The following INO80 variants were observed in gnomAD, a reference collection of about 807,000 sequenced individuals.
INO80 encodes chromatin-remodeling ATPase INO80.
A neutral mutation model predicts 203.4 loss-of-function variants in INO80; 20 were observed. The ratio of observed to expected loss-of-function variants is 0.10; its 90% CI spans 0.07 to 0.14. The LOEUF (loss-of-function observed/expected upper bound fraction) is 0.14. Ranked by LOEUF, INO80 falls within the 10% of genes least tolerant of loss-of-function variation. The pLI is 1.00. For missense variants in INO80, 1,419 were observed against 1,914.4 expected, an observed-to-expected ratio of 0.74 and a Z score of 4.83; for synonymous variants, 726 against 685.2, an observed-to-expected ratio of 1.06 and a Z score of -0.93.
intron 7 of INO80, among the ~76,000 whole-genome samples, chr15:41,084,725 T>A (rs559536211): frequency 1.3e-5 from 2 of 152,306 alleles, no homozygotes; most frequent in East Asian, 3.9e-4. Flanking sequence ...CTTTTTATTT[T>A]ATTTAATTTT....
At chr15:41,000,705 T>TAA (rs2043947229) in intron 28 of INO80, among the ~76,000 whole-genome samples, 1 of 42,730 alleles carries the variant, frequency 2.3e-5, no homozygotes. Flanking sequence ...GCACCCTGTC[T>TAA]CAAAAAAAAA....
At chr15:41,067,370 G>A (rs567131269) in intron 14 of INO80, among the ~76,000 whole-genome samples, 1 of 152,000 alleles carries the variant, frequency 6.6e-6, no homozygotes, top group Non-Finnish European at 1.5e-5. Context: ...CACCATGCCC[G>A]GCCAAGATCT....
Position 41,061,934 on chromosome 15 carries a change from C to G in INO80, c.1783-2008G>C, listed in dbSNP as rs142791142. On this transcript the variant is annotated intron_variant, in intron 14 of 35. Coordinates refer to ENST00000648947, the MANE Select transcript of INO80 (RefSeq NM_017553.3). ...TTCAGCACTTTTTCTGTGATGTTTTCTAGATGTGGTTTTCTTTCTCCTTAT... is the reference window on the plus strand; with the variant it reads ...TTCAGCACTTTTTCTGTGATGTTTTGTAGATGTGGTTTTCTTTCTCCTTAT... Among the ~76,000 whole-genome samples the G allele has an allele frequency of 4.5e-3, 691 of 152,240 alleles. 8 individuals are homozygous for G. The highest frequency in any genetic ancestry group is 0.016 in the African/African-American group (668 of 41,574).
rs59835859 is a variant in INO80 at position 41,040,525 on chromosome 15, T to C, written c.2907+4379A>G. Among the ~76,000 whole-genome samples the C allele has an allele frequency of 8.4e-3, 1,282 of 152,260 alleles. 24 individuals carry two copies. The highest frequency in any genetic ancestry group is 0.028 in the African/African-American group (1,157 of 41,546). ...AAATAGAATTATCTTCGCGAATTTG[T>C]TGGAGGCAAAGAATTCTTCAACAGG... On this transcript the variant is annotated intron_variant, in intron 24 of 35. Coordinates refer to ENST00000648947, the MANE Select transcript of INO80 (RefSeq NM_017553.3).
intron 5 of INO80, among the ~76,000 whole-genome samples, chr15:41,091,740 C>T (rs538880108): frequency 3.3e-5 from 5 of 150,398 alleles, no homozygotes; most frequent in South Asian, 2.1e-4. Context: ...CTGCAACCTC[C>T]GCCTCTGGGT....
chr15:40,984,398 C>G (rs1194937051), intron 32 of INO80, 46 bp from the exon 33 acceptor site: 1 of 1,565,234 alleles, frequency 6.4e-7, no homozygotes, highest in Non-Finnish European at 8.7e-7. Flanking sequence ...GGATGCACCC[C>G]AAAAGAAAAG....
At chr15:40,985,039 T>C (rs760050677) in intron 32 of INO80, among the ~76,000 whole-genome samples, 6 of 152,218 alleles carry the variant, frequency 3.9e-5, no homozygotes, top group Non-Finnish European at 8.8e-5. Context: ...TGGAGCCTTA[T>C]AAGTAATGCC....
chr15:41,095,678 G>A lies in INO80; in HGVS notation c.314-10C>T. 6.2e-7 allele frequency: 1 copy of A among 1,606,938 alleles called. No individual in the cohort carries two copies. The highest frequency in any genetic ancestry group is 1.1e-5 in the South Asian group (1 of 90,758). ...TTATCACATTTTGATTCTGTATAAA[G>A]AAACACAAAGAATAAAAAAATTAAA... On this transcript the variant is annotated splice_polypyrimidine_tract_variant and intron_variant, in intron 3 of 35. Transcript: ENST00000648947.
At chr15:41,020,175 C>T (rs1482781527) in intron 26 of INO80, among the ~76,000 whole-genome samples, 2 of 151,980 alleles carry the variant, frequency 1.3e-5, no homozygotes, top group Non-Finnish European at 2.9e-5. Context: ...GAGCCGAGAT[C>T]ACGCCACTGC....
chr15:41,073,717 A>G (rs1312304957), intron 10 of INO80, among the ~76,000 whole-genome samples: 1 of 152,138 alleles, frequency 6.6e-6, no homozygotes, highest in Non-Finnish European at 1.5e-5. Flanking sequence ...CAAGCTCACA[A>G]AAAACATCAC....
At chr15:41,064,135 A>G (rs1276941676) in intron 14 of INO80, among the ~76,000 whole-genome samples, 1 of 152,224 alleles carries the variant, frequency 6.6e-6, no homozygotes, top group Admixed American at 6.5e-5. Context: ...ACAACTTAAC[A>G]AACTTTGACC....
chr15:41,007,911 C>T (rs182990944), intron 27 of INO80, among the ~76,000 whole-genome samples: 7 of 152,270 alleles, frequency 4.6e-5, no homozygotes, highest in South Asian at 2.1e-4. Flanking sequence ...AAGTGGCTCA[C>T]GCCTGTAATC....
intron 17 of INO80, among the ~76,000 whole-genome samples, chr15:41,055,641 G>A (rs2044968931): frequency 6.6e-6 from 1 of 152,180 alleles, no homozygotes. Flanking sequence ...TTTGCAATGG[G>A]ATAGTTTTAA....
rs73385884 is a variant in INO80, at chr15:40,991,062, A to T, written c.3571-3088T>A. The stretch of plus-strand genomic sequence containing the variant: ...AGAGCCATATAATGAATTGTTTCAT[A>T]AGTACTGTCTTAACATTTACATTTT... On this transcript the variant is annotated intron_variant, in intron 29 of 35. Coordinates refer to ENST00000648947, the MANE Select transcript of INO80 (RefSeq NM_017553.3). Among the ~76,000 whole-genome samples, 522 of 152,320 alleles carry T rather than the reference A, an allele frequency of 3.4e-3. 7 individuals carry two copies. Among genetic ancestry groups the T allele is most frequent in the African/African-American group, 0.012 (497 of 41,564 alleles).
chr15:41,004,823 G>A (rs1307795723), intron 28 of INO80: 1 of 152,104 alleles, frequency 6.6e-6, no homozygotes. Context: ...AGGAAAGCAG[G>A]AAAATAAAAG....
At chr15:41,077,498 G>C (rs1226164715) in intron 9 of INO80, among the ~76,000 whole-genome samples, 1 of 152,132 alleles carries the variant, frequency 6.6e-6, no homozygotes, top group African/African-American at 2.4e-5. Context: ...AAGAGAGTGA[G>C]AGAAAATTAA....
At chr15:41,001,828 A>G (rs1287526486) in intron 28 of INO80, among the ~76,000 whole-genome samples, 1 of 152,216 alleles carries the variant, frequency 6.6e-6, no homozygotes, top group African/African-American at 2.4e-5. Flanking sequence ...CTTTGACCAC[A>G]GGGCTTTCCA....
intron 27 of INO80, among the ~76,000 whole-genome samples, chr15:41,009,976 T>C (rs1185814863): frequency 1.3e-5 from 2 of 152,178 alleles, no homozygotes; most frequent in African/African-American, 4.8e-5. Context: ...ATATATAAAA[T>C]AGATAAAAGC....
chr15:41,027,944 C>T (rs1197770870), intron 24 of INO80: 31 of 359,150 alleles, frequency 8.6e-5, no homozygotes, highest in Admixed American at 3.0e-4. Flanking sequence ...TATTAATATA[C>T]CTTAAACAAC....
Sources: allele counts gnomAD v4.1 joint callset (sites outside exome capture counted in the v4.1 genomes callset), GRCh38; gene constraint gnomAD v4.1.1; transcripts MANE v1.5; gene names NCBI Gene and HGNC (gene_info 2026-07-23, HGNC 2026-07-21).